ARK2C: variants seen among roughly 807,000 people sequenced by gnomAD.
The protein encoded by ARK2C is arkadia (RNF111) C-terminal like ring finger ubiquitin ligase 2C, also known as E3 ubiquitin-protein ligase ARK2C.
At chr18:46,341,666 C>T in the ARK2C span, among the ~76,000 whole-genome samples, 402 of 152,230 alleles carry the variant, frequency 2.6e-3, 2 homozygotes, top group African/African-American at 9.1e-3. Flanking sequence ...ATAAAAATTC[C>T]TCATACTCAC....
At chr18:46,407,108 C>T in the ARK2C span, among the ~76,000 whole-genome samples, 1 of 152,228 alleles carries the variant, frequency 6.6e-6, no homozygotes, top group African/African-American at 2.4e-5. Context: ...CATCCTACCA[C>T]ACAAAGTTGG....
the ARK2C span, among the ~76,000 whole-genome samples, chr18:46,370,217 G>A: frequency 6.6e-6 from 1 of 152,322 alleles, no homozygotes; most frequent in East Asian, 1.9e-4. Flanking sequence ...GCTCATCTAA[G>A]GGGTTCACAT....
the ARK2C span, among the ~76,000 whole-genome samples, chr18:46,432,350 A>C: frequency 6.6e-6 from 1 of 152,228 alleles, no homozygotes; most frequent in Non-Finnish European, 1.5e-5. Flanking sequence ...TTATTTAACT[A>C]TTACTTAAAT....
At chr18:46,346,505 TG>T in the ARK2C span, among the ~76,000 whole-genome samples, 1 of 152,116 alleles carries the variant, frequency 6.6e-6, no homozygotes, top group Non-Finnish European at 1.5e-5. Flanking sequence ...GCCGAGGGGA[TG>T]GGAAACTAAG....
At chr18:46,436,918 G>C in the ARK2C span, among the ~76,000 whole-genome samples, 1 of 152,292 alleles carries the variant, frequency 6.6e-6, no homozygotes, top group Non-Finnish European at 1.5e-5. Flanking sequence ...TGAGTGATTG[G>C]AACACACACA....
the ARK2C span, among the ~76,000 whole-genome samples, chr18:46,394,945 G>C: frequency 6.6e-6 from 1 of 152,190 alleles, no homozygotes; most frequent in Non-Finnish European, 1.5e-5. Flanking sequence ...CGTATGTGGG[G>C]CTTTGCTCCG....
the ARK2C span, among the ~76,000 whole-genome samples, chr18:46,413,057 TG>T: frequency 6.6e-6 from 1 of 151,968 alleles, no homozygotes; most frequent in African/African-American, 2.4e-5. Flanking sequence ...AGCCGGGGGA[TG>T]GGGGAGCTCA....
At chr18:46,445,010 G>A in the ARK2C span, among the ~76,000 whole-genome samples, 1 of 151,216 alleles carries the variant, frequency 6.6e-6, no homozygotes, top group Non-Finnish European at 1.5e-5. Context: ...TAGCATCCTT[G>A]TTATTTCTGT....
chr18:46,428,758 T>C, the ARK2C span, among the ~76,000 whole-genome samples: 3 of 152,212 alleles, frequency 2.0e-5, no homozygotes, highest in Non-Finnish European at 4.4e-5. Flanking sequence ...ACATTTTGGA[T>C]ATGATGAATT....
chr18:46,455,404 C>T, the ARK2C span, among the ~76,000 whole-genome samples: 4 of 152,190 alleles, frequency 2.6e-5, no homozygotes, highest in African/African-American at 9.6e-5. Flanking sequence ...TGCAAAGGAT[C>T]GATTCATTAG....
chr18:46,364,816 G>T, the ARK2C span, among the ~76,000 whole-genome samples: 4 of 152,186 alleles, frequency 2.6e-5, no homozygotes, highest in African/African-American at 9.6e-5. Flanking sequence ...AGGTCCACTG[G>T]ATATCTCTGG....
the ARK2C span, chr18:46,460,517 G>C: frequency 6.6e-6 from 1 of 152,150 alleles, no homozygotes; most frequent in African/African-American, 2.4e-5. Flanking sequence ...TTTTATAGTT[G>C]TTTTGCATTT....
chr18:46,347,637 C>T, the ARK2C span, among the ~76,000 whole-genome samples: 7,118 of 152,152 alleles, frequency 0.047, 274 homozygotes, highest in East Asian at 0.14. Flanking sequence ...ATGTACCCAC[C>T]GTGAGTGGCT....
chr18:46,340,210 G>A, the ARK2C span, among the ~76,000 whole-genome samples: 1 of 152,176 alleles, frequency 6.6e-6, no homozygotes, highest in African/African-American at 2.4e-5. Flanking sequence ...GTATGGTTTA[G>A]CTACAGATAA....
chr18:46,459,904 G>A, the ARK2C span: 15 of 152,682 alleles, frequency 9.8e-5, no homozygotes, highest in Admixed American at 8.5e-4. Flanking sequence ...GGTGAGAGCA[G>A]CCCCAGGGTT....
At chr18:46,401,872 C>G in the ARK2C span, among the ~76,000 whole-genome samples, 1 of 152,200 alleles carries the variant, frequency 6.6e-6, no homozygotes, top group Admixed American at 6.5e-5. Context: ...AGGCTTCACA[C>G]TGGGAGGGAC....
chr18:46,410,471 G>C, the ARK2C span, among the ~76,000 whole-genome samples: 1 of 152,240 alleles, frequency 6.6e-6, no homozygotes, highest in African/African-American at 2.4e-5. Flanking sequence ...GTGAGACTGA[G>C]GGGCAAACTC....
At chr18:46,382,097 C>T in the ARK2C span, among the ~76,000 whole-genome samples, 3,914 of 152,284 alleles carry the variant, frequency 0.026, 157 homozygotes, top group African/African-American at 0.088. Context: ...GCCAGGTTGG[C>T]TTTGGGGGCT....
chr18:46,351,289 A>G, the ARK2C span, among the ~76,000 whole-genome samples: 30 of 152,260 alleles, frequency 2.0e-4, no homozygotes, highest in Non-Finnish European at 4.0e-4. Flanking sequence ...ACTTCCCTCC[A>G]GTCTGAAGTT....
Sources: allele counts gnomAD v4.1 joint callset (sites outside exome capture counted in the v4.1 genomes callset), GRCh38; gene constraint gnomAD v4.1.1; transcripts MANE v1.5; gene names NCBI Gene and HGNC (gene_info 2026-07-23, HGNC 2026-07-21).